The following AKNAD1 variants were observed in gnomAD, a reference collection of about 807,000 sequenced individuals.
AKNAD1 encodes the protein protein AKNAD1.
A neutral mutation model predicts 90.8 loss-of-function variants in AKNAD1; 67 were observed. The observed-to-expected ratio is 0.74, with a 90% confidence interval of 0.61 to 0.90. AKNAD1 has a LOEUF of 0.90. Among genes scored for constraint, AKNAD1 ranks in the 40% least tolerant of loss-of-function variants. AKNAD1 has a pLI of 0.00. For missense variants in AKNAD1, 957 were observed against 975.4 expected, an observed-to-expected ratio of 0.98 and a Z score of 0.25; for synonymous variants, 327 against 341.4, an observed-to-expected ratio of 0.96 and a Z score of 0.46.
At chr1:108,851,362 GGTTCTGGACC>G (rs1166482492) in intron 2 of AKNAD1, among the ~76,000 whole-genome samples, 1 of 152,206 alleles carries the variant, frequency 6.6e-6, no homozygotes, top group Non-Finnish European at 1.5e-5. Context: ...CCTGGGAAGA[GGTTCTGGACC>G]AGCCAGGTAA....
chr1:108,857,216 C>T (rs1665075668), upstream of AKNAD1: 2 of 152,560 alleles, frequency 1.3e-5, no homozygotes, highest in Non-Finnish European at 2.9e-5. Flanking sequence ...TCACAGTGAC[C>T]CAGGCTGTGA....
chr1:108,852,891 C>G, intron 1 of AKNAD1, 124 bp from the exon 2 acceptor site: 1 of 362,890 alleles, frequency 2.8e-6, no homozygotes, highest in Non-Finnish European at 4.8e-6. Flanking sequence ...GCAGGAAGCT[C>G]AACCACAAGC....
chr1:108,847,577 G>A (rs1215861489), intron 5 of AKNAD1, among the ~76,000 whole-genome samples: 4 of 132,432 alleles, frequency 3.0e-5, no homozygotes, highest in South Asian at 2.8e-4. Context: ...ATGTCACCAC[G>A]TGCTCCCAAG....
intron 12 of AKNAD1, 21 bp from the exon 13 acceptor site, chr1:108,823,498 A>C: frequency 6.2e-7 from 1 of 1,611,888 alleles, no homozygotes; most frequent in Middle Eastern, 1.7e-4. Context: ...AAGATTAAAA[A>C]TACAGTTAAT....
Position 108,852,412 on chromosome 1 carries a change from C to CT in AKNAD1, c.252dup (p.Asp85ArgfsTer17). 2 of 1,613,752 alleles carry CT rather than the reference C, an allele frequency of 1.2e-6. No individual in the cohort carries two copies. Among genetic ancestry groups the CT allele is most frequent in the Non-Finnish European group, 1.7e-6 (2 of 1,179,894 alleles). ...GCAGTGCATTGTTTCTCTTTCTCGT[C>CT]TTTTTTGTTGGCAGCATTTTCAGTA... is the stretch of plus-strand genomic sequence containing the variant. On this transcript the variant is annotated frameshift_variant, in exon 2 of 16. Coordinates refer to ENST00000370001, the MANE Select transcript of AKNAD1 (RefSeq NM_152763.5). LOFTEE classifies it high-confidence loss of function.
chr1:108,846,641 C>T (rs1570823316), intron 5 of AKNAD1, among the ~76,000 whole-genome samples: 1 of 152,250 alleles, frequency 6.6e-6, no homozygotes, highest in East Asian at 1.9e-4. Context: ...GCTGCCATTT[C>T]CCTCGAGTCT....
chr1:108,830,997 C>T (rs1664180684), intron 9 of AKNAD1, among the ~76,000 whole-genome samples: 2 of 152,174 alleles, frequency 1.3e-5, no homozygotes, highest in Non-Finnish European at 2.9e-5. Context: ...TTTATCTTTC[C>T]CTTAGTTTCA....
At position 108,843,156 on chromosome 1, in the gene AKNAD1, C is replaced by T. The variant is rs143468067; in HGVS notation, c.1357G>A (p.Val453Ile). The T allele has an allele frequency of 2.3e-4, 368 of 1,614,108 alleles. No individual in the cohort carries two copies. Among genetic ancestry groups the T allele is most frequent in the Non-Finnish European group, 2.6e-4 (309 of 1,180,010 alleles). The change falls in exon 6 of 16, where the codon GTT (valine) becomes ATT (isoleucine). Residue 453 changes from valine to isoleucine, a missense_variant. Val to Ile is a conservative substitution (Grantham distance 29, BLOSUM62 3). Coordinates refer to ENST00000370001, the MANE Select transcript of AKNAD1 (RefSeq NM_152763.5). Reference sequence around the variant, plus strand: ...GACCTTTCTGGATCAAAGTCACCAACGATTGTTGATTCGTGCTTGTGGACT... The same window carrying T: ...GACCTTTCTGGATCAAAGTCACCAATGATTGTTGATTCGTGCTTGTGGACT... ...QQVHKHESTI[V>I]GDFDPERKVE...
At chr1:108,851,587 G>A (rs1298155519) in intron 2 of AKNAD1, 85 bp downstream of exon 2, 3 of 1,342,634 alleles carry the variant, frequency 2.2e-6, no homozygotes, top group African/African-American at 1.5e-5. Flanking sequence ...CTAGAACCAA[G>A]CTCTATTCAC....
At chr1:108,843,415 G>T in intron 5 of AKNAD1, 148 bp from the exon 6 acceptor site, 1 of 969,028 alleles carries the variant, frequency 1.0e-6, no homozygotes, top group Non-Finnish European at 1.5e-6. Flanking sequence ...TTGTCTCAGA[G>T]TCTGACATCT....
At position 108,851,548 on chromosome 1, in the gene AKNAD1, G is replaced by T. The variant is rs77226039; in HGVS notation, c.993+124C>A. ...AGTGGCCACGTCACTCATCCAGGGT[G>T]ACCCAGGGTGCTGAATGAAACTTTG... is the stretch of plus-strand genomic sequence containing the variant. On this transcript the variant is annotated intron_variant, in intron 2 of 15. Transcript: ENST00000370001. The T allele has an allele frequency of 1.4e-4, 123 of 885,372 alleles. No homozygotes were observed. The African/African-American group carries it at 1.8e-3, about 13-fold the overall frequency. 54.8% of individuals were successfully genotyped at this position (885,372 alleles called of 1,614,324 possible).
chr1:108,816,832 T>C, intron 15 of AKNAD1: 1 of 487,798 alleles, frequency 2.1e-6, no homozygotes, highest in Non-Finnish European at 3.5e-6. Context: ...AATCACTTTC[T>C]CCAGGAAATT....
intron 5 of AKNAD1, among the ~76,000 whole-genome samples, chr1:108,844,704 TCA>T (rs1664652905): frequency 1.3e-5 from 2 of 152,170 alleles, no homozygotes; most frequent in South Asian, 4.2e-4. Flanking sequence ...TCTCTAAGCT[TCA>T]GTTTCTACAT....
chr1:108,834,932 T>A lies in AKNAD1; in HGVS notation c.1661A>T (p.Gln554Leu), dbSNP rs1192702517. ...GGGCTCCAGGGCTAGGACTCACGTCTGCGGGGCCAGCTCACAGAGCTCCTC... is the reference window on the plus strand; with the variant it reads ...GGGCTCCAGGGCTAGGACTCACGTCAGCGGGGCCAGCTCACAGAGCTCCTC... ...PNEELCELAPQTYLNGHYGDA... is the reference protein window; with the variant it reads ...PNEELCELAPLTYLNGHYGDA... The change falls in exon 8 of 16, where the codon CAG becomes CTG. Residue 554 changes from glutamine (Q) to leucine (L), a missense_variant. Transcript: ENST00000370001. The A allele has an allele frequency of 6.5e-7, 1 of 1,535,448 alleles. No homozygotes were observed.
chr1:108,852,673 A>G lies in AKNAD1; in HGVS notation c.-9T>C. ...AAATCAGCCTCATCCATGTGTGTGC[A>G]GCCCGATCGCTCTCGTCCTCTGCCT... On this transcript the variant is annotated 5_prime_UTR_variant, in exon 2 of 16. Coordinates refer to ENST00000370001, the MANE Select transcript of AKNAD1 (RefSeq NM_152763.5). 1 of 1,553,134 alleles carries G rather than the reference A, an allele frequency of 6.4e-7. No homozygotes were observed. Among genetic ancestry groups the G allele is most frequent in the Non-Finnish European group, 8.7e-7 (1 of 1,153,942 alleles).
chr1:108,855,801 T>A lies in AKNAD1; in HGVS notation c.-104+1128A>T, dbSNP rs549398288. Among the ~76,000 whole-genome samples the A allele has an allele frequency of 2.4e-3, 358 of 149,146 alleles. 3 individuals carry two copies. Among genetic ancestry groups the A allele is most frequent in the African/African-American group, 8.5e-3 (345 of 40,766 alleles). ...TCTGTCTCAAAAAAATAAAAAATAA[T>A]AAATAAATAAATAAATCACTAAGCA... is the stretch of plus-strand genomic sequence containing the variant. On this transcript the variant is annotated intron_variant, in intron 1 of 15. Coordinates refer to ENST00000370001, the MANE Select transcript of AKNAD1 (RefSeq NM_152763.5).
chr1:108,842,650 G>A (rs1359316309), intron 6 of AKNAD1, among the ~76,000 whole-genome samples: 1 of 152,070 alleles, frequency 6.6e-6, no homozygotes, highest in African/African-American at 2.4e-5. Context: ...CAGTGAATGG[G>A]AAAGAAAAGG....
intron 13 of AKNAD1, among the ~76,000 whole-genome samples, chr1:108,820,871 T>A (rs1157126665): frequency 6.6e-6 from 1 of 151,730 alleles, no homozygotes; most frequent in Non-Finnish European, 1.5e-5. Flanking sequence ...CGACCAGTCT[T>A]CCCTGTCTCT....
In AKNAD1 at chr1:108,827,276, T is replaced by C. The variant is rs754374426; in HGVS notation, c.1865A>G (p.His622Arg). 6.2e-7 allele frequency: 1 copy of C among 1,611,816 alleles called. No homozygotes were observed. Among genetic ancestry groups the C allele is most frequent in the Non-Finnish European group, 8.5e-7 (1 of 1,179,308 alleles). ...AAATCTTCCACAGTTGATCCTTCCGTGGCCCTTTTTCTCCACGTTTTGCTT... is the reference window on the plus strand; with the variant it reads ...AAATCTTCCACAGTTGATCCTTCCGCGGCCCTTTTTCTCCACGTTTTGCTT... ...EWKQNVEKKG[H>R]GRINCGRFSI... Residue 622 changes from histidine to arginine, a missense_variant, in exon 11 of 16, where the codon CAC becomes CGC. Coordinates refer to ENST00000370001, the MANE Select transcript of AKNAD1 (RefSeq NM_152763.5).
Sources: allele counts gnomAD v4.1 joint callset (sites outside exome capture counted in the v4.1 genomes callset), GRCh38; gene constraint gnomAD v4.1.1; transcripts MANE v1.5; gene names NCBI Gene and HGNC (gene_info 2026-07-23, HGNC 2026-07-21).